The following UBE2R2 variants were observed in gnomAD, a reference collection of about 807,000 sequenced individuals.
UBE2R2 encodes ubiquitin conjugating enzyme E2 R2, also known as ubiquitin-conjugating enzyme E2 R2.
In UBE2R2, 1 loss-of-function variant was observed where a neutral mutation model predicts 27.8. That is an observed-to-expected ratio of 0.04 (90% CI 0.01 to 0.17). The LOEUF (loss-of-function observed/expected upper bound fraction) is 0.17. Among genes scored for constraint, UBE2R2 ranks in the 10% least tolerant of loss-of-function variants. UBE2R2 has a pLI of 1.00. For synonymous variants in UBE2R2, 106 were observed against 113.3 expected, an observed-to-expected ratio of 0.94 and a Z score of 0.41; for missense variants, 100 against 291.0, an observed-to-expected ratio of 0.34 and a Z score of 4.78.
chr9:33,886,272 G>A (rs1821849828), intron 1 of UBE2R2, among the ~76,000 whole-genome samples: 1 of 152,170 alleles, frequency 6.6e-6, no homozygotes, highest in African/African-American at 2.4e-5. Context: ...AAAATGTACA[G>A]AGTACTGTTT....
chr9:33,877,331 G>A (rs1032238949), intron 1 of UBE2R2, among the ~76,000 whole-genome samples: 7 of 151,592 alleles, frequency 4.6e-5, no homozygotes, highest in Non-Finnish European at 7.4e-5. Context: ...ACTGGTGCCC[G>A]GCACCCATGC....
In UBE2R2 at chr9:33,828,878, C is replaced by T. The variant is rs113825180; in HGVS notation, c.177+10944C>T. On this transcript the variant is annotated intron_variant, in intron 1 of 4. Coordinates refer to ENST00000263228, the MANE Select transcript of UBE2R2 (RefSeq NM_017811.4). ...CCTCCTGAGTAGCTGGGATTATAGG[C>T]GCACGCTGCCATGCCTGGATACTTT... Among the ~76,000 whole-genome samples the T allele has an allele frequency of 6.0e-3, 918 of 152,166 alleles. 3 individuals are homozygous for T. Among genetic ancestry groups the T allele is most frequent in the Admixed American group, 0.014 (219 of 15,264 alleles).
intron 1 of UBE2R2, among the ~76,000 whole-genome samples, chr9:33,860,414 C>T (rs963575212): frequency 6.6e-6 from 1 of 152,120 alleles, no homozygotes; most frequent in Admixed American, 6.6e-5. Flanking sequence ...CCCTACCACT[C>T]TTTGGCTGTG....
At chr9:33,829,815 T>TTA (rs1554670723) in intron 1 of UBE2R2, among the ~76,000 whole-genome samples, 38 of 137,318 alleles carry the variant, frequency 2.8e-4, no homozygotes, top group African/African-American at 9.5e-4. Context: ...TTTTTTTTTT[T>TTA]AAACAGTTTC....
At chr9:33,822,668 T>C (rs1820177464) in intron 1 of UBE2R2, among the ~76,000 whole-genome samples, 1 of 150,160 alleles carries the variant, frequency 6.7e-6, no homozygotes, top group South Asian at 2.1e-4. Context: ...CAAACAATCC[T>C]CCCACCTTGG....
intron 1 of UBE2R2, chr9:33,868,511 T>C (rs549652409): frequency 6.6e-6 from 1 of 152,208 alleles, no homozygotes; most frequent in Non-Finnish European, 1.5e-5. Flanking sequence ...TTTGACACTT[T>C]GAGCAAGTTA....
intron 1 of UBE2R2, among the ~76,000 whole-genome samples, chr9:33,832,654 C>T (rs1820519475): frequency 6.9e-6 from 1 of 144,764 alleles, no homozygotes; most frequent in African/African-American, 2.6e-5. Flanking sequence ...AGTGAGACTC[C>T]GTCTAAAAAA....
At chr9:33,847,346 C>T (rs932356687) in intron 1 of UBE2R2, among the ~76,000 whole-genome samples, 1 of 152,202 alleles carries the variant, frequency 6.6e-6, no homozygotes, top group Non-Finnish European at 1.5e-5. Context: ...TCTCCTGCTT[C>T]AGCCTCCCAA....
chr9:33,829,206 A>C (rs1021414325), intron 1 of UBE2R2, among the ~76,000 whole-genome samples: 1 of 152,164 alleles, frequency 6.6e-6, no homozygotes, highest in African/African-American at 2.4e-5. Context: ...ATGGATCTTT[A>C]AAAAATTCTG....
Position 33,900,553 on chromosome 9 carries a change from C to G in UBE2R2, c.362+282C>G, listed in dbSNP as rs537275500. On this transcript the variant is annotated intron_variant, in intron 3 of 4. Transcript: ENST00000263228. ...AACTTATCCTAGTTCTACTCTGGTT[C>G]TTTATTACCACCTAACATTAGTGTC... is the stretch of plus-strand genomic sequence containing the variant. 3.9e-5 allele frequency among the ~76,000 whole-genome samples: 6 copies of G among 152,254 alleles called. No homozygotes were observed. The East Asian group carries it at 1.2e-3, about 29-fold the overall frequency.
chr9:33,907,825 GTT>G, intron 3 of UBE2R2, among the ~76,000 whole-genome samples: 1 of 143,606 alleles, frequency 7.0e-6, no homozygotes, highest in South Asian at 2.5e-4. Context: ...TTTTTGTTTT[GTT>G]TTGTTGTTGT....
intron 2 of UBE2R2, among the ~76,000 whole-genome samples, chr9:33,891,163 C>T (rs1210425549): frequency 6.6e-6 from 1 of 151,050 alleles, no homozygotes; most frequent in South Asian, 2.1e-4. Flanking sequence ...TATTCTCCTG[C>T]CTCAGCCTTC....
At chr9:33,862,276 C>G (rs1285007060) in intron 1 of UBE2R2, among the ~76,000 whole-genome samples, 1 of 152,112 alleles carries the variant, frequency 6.6e-6, no homozygotes, top group African/African-American at 2.4e-5. Flanking sequence ...TCATTATAAC[C>G]TAGACTTTTG....
At chr9:33,863,657 T>C (rs1025789824) in intron 1 of UBE2R2, among the ~76,000 whole-genome samples, 3 of 152,182 alleles carry the variant, frequency 2.0e-5, no homozygotes, top group Admixed American at 2.0e-4. Flanking sequence ...CATTCTAATA[T>C]GGGGCAAAAC....
intron 1 of UBE2R2, among the ~76,000 whole-genome samples, chr9:33,851,396 T>C (rs1023956077): frequency 2.0e-5 from 3 of 152,214 alleles, no homozygotes; most frequent in Non-Finnish European, 2.9e-5. Flanking sequence ...AATAATGTTC[T>C]TCATAGCAGA....
intron 1 of UBE2R2, among the ~76,000 whole-genome samples, chr9:33,834,192 C>CTTT (rs144998603): frequency 4.3e-5 from 6 of 141,110 alleles, no homozygotes; most frequent in African/African-American, 5.2e-5. Context: ...CTTGGAGCTT[C>CTTT]TTTTTTTTTT....
chr9:33,885,309 A>G (rs1821832525), intron 1 of UBE2R2, among the ~76,000 whole-genome samples: 1 of 152,224 alleles, frequency 6.6e-6, no homozygotes, highest in Non-Finnish European at 1.5e-5. Flanking sequence ...ACCATAATGG[A>G]CAACTCTTAG....
chr9:33,845,467 C>G (rs950638562), intron 1 of UBE2R2, among the ~76,000 whole-genome samples: 4 of 151,822 alleles, frequency 2.6e-5, no homozygotes, highest in African/African-American at 4.8e-5. Context: ...CCAGAATGAT[C>G]TTGATCTCCT....
intron 1 of UBE2R2, among the ~76,000 whole-genome samples, chr9:33,877,715 T>G (rs2790726): frequency 0.04 from 6,034 of 152,118 alleles, 265 homozygotes; most frequent in African/African-American, 0.098. Flanking sequence ...GCTGGTAGTA[T>G]TATAATCTAA....
Sources: gnomAD v4.1 joint callset for allele counts (sites outside exome capture counted in the v4.1 genomes callset) on GRCh38, gnomAD v4.1.1 for gene constraint, MANE v1.5 for transcripts, NCBI Gene and HGNC (gene_info 2026-07-23, HGNC 2026-07-21) for gene names.